Variants in ZNF560 observed in about 807,000 individuals in gnomAD.
ZNF560 encodes the protein zinc finger protein 560.
In ZNF560, 54 loss-of-function variants were observed where a neutral mutation model predicts 81.8. That is an observed-to-expected ratio of 0.66 (90% CI 0.53 to 0.83). The LOEUF (loss-of-function observed/expected upper bound fraction) is 0.83. Ranked by LOEUF, ZNF560 falls within the 40% of genes least tolerant of loss-of-function variation. The pLI, the probability that ZNF560 is intolerant of heterozygous loss-of-function variation, is 0.00. For synonymous variants in ZNF560, 321 were observed against 317.9 expected, an observed-to-expected ratio of 1.01 and a Z score of -0.10; for missense variants, 940 against 932.4, an observed-to-expected ratio of 1.01 and a Z score of -0.11.
intron 2 of ZNF560, among the ~76,000 whole-genome samples, chr19:9,482,385 G>A (rs1159940753): frequency 3.4e-5 from 5 of 148,800 alleles, no homozygotes; most frequent in Non-Finnish European, 7.4e-5. Flanking sequence ...TAACAAACCT[G>A]CACATTGTAC....
chr19:9,455,857 A>T, the ZNF560 span, among the ~76,000 whole-genome samples: 1 of 152,132 alleles, frequency 6.6e-6, no homozygotes, highest in Admixed American at 6.5e-5. Context: ...AGAGTGGGTA[A>T]AGGAAATGCT....
At chr19:9,501,710 G>A (rs1899068851), upstream of ZNF560, among the ~76,000 whole-genome samples, 2 of 151,830 alleles carry the variant, frequency 1.3e-5, no homozygotes, top group African/African-American at 4.8e-5. Flanking sequence ...TGTTACCCAG[G>A]CTGGCCTCCA....
chr19:9,466,905 T>C lies in ZNF560; in HGVS notation c.2042A>G (p.Glu681Gly), dbSNP rs1254998389. ...LTQHLKTHAA[E>G]KTSECNACGN... ...ACATGCGTTACATTCAGAGGTCTTC[T>C]CTGCTGCATGAGTTTTTAAGTGTTG... is the stretch of plus-strand genomic sequence containing the variant. The change falls in exon 10 of 10, where the codon GAG becomes GGG. Residue 681 changes from glutamate (E) to glycine (G), a missense_variant. Physicochemically the swap from Glu to Gly is moderately conservative, Grantham distance 98. Coordinates refer to ENST00000301480, the MANE Select transcript of ZNF560 (RefSeq NM_152476.3). 6 of 1,614,018 alleles carry C rather than the reference T, an allele frequency of 3.7e-6. No individual in the cohort carries two copies. Among genetic ancestry groups the C allele is most frequent in the Non-Finnish European group, 4.2e-6 (5 of 1,180,048 alleles).
chr19:9,469,824 A>G (rs1176290670), intron 7 of ZNF560, 114 bp from the exon 8 acceptor site: 1 of 782,294 alleles, frequency 1.3e-6, no homozygotes, highest in East Asian at 2.6e-5. Context: ...CTTAAATTGC[A>G]TATATCCCAT....
chr19:9,460,382 A>G, the ZNF560 span, among the ~76,000 whole-genome samples: 1 of 152,218 alleles, frequency 6.6e-6, no homozygotes, highest in African/African-American at 2.4e-5. Context: ...TGCCATGAGT[A>G]TTCCTTCAGC....
intron 2 of ZNF560, among the ~76,000 whole-genome samples, chr19:9,476,794 T>C (rs758163773): frequency 1.1e-4 from 16 of 152,170 alleles, no homozygotes; most frequent in Non-Finnish European, 1.8e-4. Flanking sequence ...TATCCAGTCT[T>C]ATGTATTTTT....
chr19:9,496,230 C>A (rs1248918268), intron 2 of ZNF560, among the ~76,000 whole-genome samples: 1 of 151,914 alleles, frequency 6.6e-6, no homozygotes, highest in Non-Finnish European at 1.5e-5. Context: ...CTTGTAATCC[C>A]AACATTTTCT....
the ZNF560 span, among the ~76,000 whole-genome samples, chr19:9,459,578 G>A: frequency 3.3e-5 from 5 of 152,142 alleles, no homozygotes; most frequent in Admixed American, 2.0e-4. Flanking sequence ...CATAGGGTGG[G>A]TCCAGGGGGC....
intron 2 of ZNF560, among the ~76,000 whole-genome samples, chr19:9,488,620 A>C (rs1322249037): frequency 6.7e-6 from 1 of 149,722 alleles, no homozygotes; most frequent in Non-Finnish European, 1.5e-5. Flanking sequence ...TCACACAACA[A>C]AAAAATTCCA....
upstream of ZNF560, among the ~76,000 whole-genome samples, chr19:9,502,699 C>G (rs1404574311): frequency 6.6e-6 from 1 of 152,150 alleles, no homozygotes; most frequent in Non-Finnish European, 1.5e-5. Context: ...TTCTGTGTTT[C>G]TAGAAATGTG....
At chr19:9,446,795 C>T in the ZNF560 span, among the ~76,000 whole-genome samples, 1 of 152,044 alleles carries the variant, frequency 6.6e-6, no homozygotes, top group Non-Finnish European at 1.5e-5. Context: ...TAGAGATATT[C>T]ACCTGACAAA....
chr19:9,468,380 T>A (rs762709368), intron 9 of ZNF560, 46 bp from the exon 10 acceptor site: 1 of 1,346,994 alleles, frequency 7.4e-7, no homozygotes, highest in Non-Finnish European at 1.0e-6. Context: ...TTAGCAGACT[T>A]ATTAATAGAT....
At chr19:9,448,479 CCCT>C in the ZNF560 span, among the ~76,000 whole-genome samples, 79 of 147,386 alleles carry the variant, frequency 5.4e-4, no homozygotes, top group African/African-American at 1.7e-3. Context: ...GAGGTGTCCA[CCCT>C]CCTCAGCCTC....
chr19:9,450,401 G>C, the ZNF560 span, among the ~76,000 whole-genome samples: 1 of 152,142 alleles, frequency 6.6e-6, no homozygotes, highest in East Asian at 1.9e-4. Context: ...ACGCAAATAG[G>C]ACTATTTGTC....
At chr19:9,449,458 CAAA>C in the ZNF560 span, among the ~76,000 whole-genome samples, 5 of 151,652 alleles carry the variant, frequency 3.3e-5, no homozygotes, top group East Asian at 9.7e-4. Context: ...TTAATGAAGG[CAAA>C]AAAACAAGAT....
chr19:9,477,412 T>C (rs1208785999), intron 2 of ZNF560, among the ~76,000 whole-genome samples: 1 of 152,186 alleles, frequency 6.6e-6, no homozygotes, highest in Non-Finnish European at 1.5e-5. Context: ...GACTGCCATA[T>C]AAAGGACTCT....
upstream of ZNF560, among the ~76,000 whole-genome samples, chr19:9,503,611 T>A (rs2073648921): frequency 6.6e-6 from 1 of 152,220 alleles, no homozygotes; most frequent in Non-Finnish European, 1.5e-5. Context: ...CACAGCTTAC[T>A]GCAGCCTCAA....
the ZNF560 span, among the ~76,000 whole-genome samples, chr19:9,456,124 G>C: frequency 6.6e-6 from 1 of 152,176 alleles, no homozygotes; most frequent in African/African-American, 2.4e-5. Context: ...TCCTGGCTCA[G>C]ACCACTCCCT....
At chr19:9,458,784 A>G in the ZNF560 span, among the ~76,000 whole-genome samples, 1 of 152,250 alleles carries the variant, frequency 6.6e-6, no homozygotes, top group Admixed American at 6.5e-5. Flanking sequence ...ATACAGCATT[A>G]CCTGGAAAGA....
Sources: gnomAD v4.1 joint callset for allele counts (sites outside exome capture counted in the v4.1 genomes callset) on GRCh38, gnomAD v4.1.1 for gene constraint, MANE v1.5 for transcripts, NCBI Gene and HGNC (gene_info 2026-07-23, HGNC 2026-07-21) for gene names.